The following WDR49 variants were observed in gnomAD, a reference collection of about 807,000 sequenced individuals.
WDR49 encodes the protein cilia- and flagella-associated protein 337.
WDR49 carries 107 observed loss-of-function variants against 119.5 expected under a neutral mutation model. That is an observed-to-expected ratio of 0.90 (90% CI 0.77 to 1.05). The LOEUF (loss-of-function observed/expected upper bound fraction) is 1.05, where lower values mean the gene tolerates loss of function less well. WDR49 is among the 50% of genes least tolerant of loss of function. The pLI, the probability that WDR49 is intolerant of heterozygous loss-of-function variation, is 0.00. For missense variants in WDR49, 1,240 were observed against 1,220.5 expected, an observed-to-expected ratio of 1.02 and a Z score of -0.24; for synonymous variants, 425 against 418.8, an observed-to-expected ratio of 1.01 and a Z score of -0.18.
chr3:167,597,817 A>T (rs1379568801), intron 7 of WDR49, among the ~76,000 whole-genome samples: 1 of 152,190 alleles, frequency 6.6e-6, no homozygotes, highest in Non-Finnish European at 1.5e-5. Context: ...CCCTTTTGGA[A>T]TGGTAACATT....
At chr3:167,622,412 G>T (rs1716916976) in intron 3 of WDR49, among the ~76,000 whole-genome samples, 1 of 151,956 alleles carries the variant, frequency 6.6e-6, no homozygotes, top group Non-Finnish European at 1.5e-5. Context: ...TGAGAATGAT[G>T]TCTGATTAAA....
intron 8 of WDR49, chr3:167,567,041 G>A (rs899007400): frequency 2.9e-5 from 13 of 446,142 alleles, no homozygotes; most frequent in East Asian, 1.7e-4. Context: ...AATTTCTGTC[G>A]GACTTTTTGC....
At position 167,576,137 on chromosome 3, in the gene WDR49, C is replaced by G; in HGVS notation, c.1290G>C (p.Trp430Cys). 8 of 1,613,688 alleles carry G rather than the reference C, an allele frequency of 5.0e-6. No individual in the cohort carries two copies. Among genetic ancestry groups the G allele is most frequent in the Non-Finnish European group, 6.8e-6 (8 of 1,179,868 alleles). Reference protein sequence around the residue: ...SFSKDKVLRLWDIQHQLSIQR... With the variant: ...SFSKDKVLRLCDIQHQLSIQR... ...GGATGGACAGCTGGTGTTGAATATC[C>G]CAGAGTCTCAAAACCTGGATGAAAA... Residue 430 changes from tryptophan to cysteine, a missense_variant, in exon 8 of 19, where the codon TGG becomes TGC. Coordinates refer to ENST00000682715, the MANE Select transcript of WDR49 (RefSeq NM_001366157.1).
intron 16 of WDR49, among the ~76,000 whole-genome samples, chr3:167,509,404 A>G (rs1357928059): frequency 6.6e-6 from 1 of 152,236 alleles, no homozygotes; most frequent in Non-Finnish European, 1.5e-5. Context: ...CATAGGAGTT[A>G]GTCTAGTAGA....
At chr3:167,582,568 T>G (rs1714593134) in intron 7 of WDR49, among the ~76,000 whole-genome samples, 1 of 152,152 alleles carries the variant, frequency 6.6e-6, no homozygotes, top group African/African-American at 2.4e-5. Flanking sequence ...GAATTTCCAC[T>G]ATGTGTCTGT....
chr3:167,607,541 A>G (rs527859453), intron 5 of WDR49, among the ~76,000 whole-genome samples: 17 of 152,268 alleles, frequency 1.1e-4, no homozygotes, highest in African/African-American at 3.9e-4. Context: ...TCCTAATGAG[A>G]AGATAGCAAC....
intron 18 of WDR49, among the ~76,000 whole-genome samples, chr3:167,484,313 G>A (rs2108190195): frequency 6.6e-6 from 1 of 152,206 alleles, no homozygotes; most frequent in African/African-American, 2.4e-5. Flanking sequence ...AGGGGACAGG[G>A]GAGGGATAGC....
Position 167,627,053 on chromosome 3 carries a change from G to A in WDR49, c.405C>T (p.Leu135=), listed in dbSNP as rs911317353. ...GAATGGTGTCCTTGTGTTTTACTGG[G>A]AGGAATTCAAGGTCCTTCCACTGGG... ...VVPQWKDLEF[L]PVKHKDTIQK... The change falls in exon 3 of 19, where the codon CTC becomes CTT. Residue 135 remains leucine, a synonymous_variant. Transcript: ENST00000682715. 4 of 1,309,654 alleles carry A rather than the reference G, an allele frequency of 3.1e-6. No individual in the cohort carries two copies. The Admixed American group carries it at 1.3e-4, about 44-fold the overall frequency. 81.1% of individuals were successfully genotyped at this position (1,309,654 alleles called of 1,614,324 possible).
chr3:167,570,736 C>G (rs1478258029), intron 8 of WDR49, among the ~76,000 whole-genome samples: 3 of 152,026 alleles, frequency 2.0e-5, no homozygotes, highest in African/African-American at 7.2e-5. Flanking sequence ...AAACAAAAAG[C>G]TGCAATTAAA....
In WDR49 at chr3:167,607,727, A is replaced by G. The variant is rs145591580; in HGVS notation, c.959-3259T>C. On this transcript the variant is annotated intron_variant, in intron 5 of 18. Coordinates refer to ENST00000682715, the MANE Select transcript of WDR49 (RefSeq NM_001366157.1). ...TCTGGGGTTCTTCCTATTACCAACT[A>G]CCTTTCTGTCCCCATACCCTCAATC... Among the ~76,000 whole-genome samples, 210 of 151,966 alleles carry G rather than the reference A, an allele frequency of 1.4e-3. 1 individual carries two copies. Among genetic ancestry groups the G allele is most frequent in the Admixed American group, 2.6e-3 (39 of 15,254 alleles).
intron 2 of WDR49, among the ~76,000 whole-genome samples, chr3:167,638,216 AT>A (rs1336516335): frequency 1.3e-5 from 2 of 151,502 alleles, no homozygotes; most frequent in Non-Finnish European, 3.0e-5. Flanking sequence ...GTCTGATTTT[AT>A]TTCAGATCAT....
chr3:167,551,247 A>G (rs1211323517), intron 10 of WDR49, among the ~76,000 whole-genome samples: 1 of 152,004 alleles, frequency 6.6e-6, no homozygotes, highest in Non-Finnish European at 1.5e-5. Flanking sequence ...CCCTTGAAAC[A>G]GGAATCATGA....
rs143964795 is a variant in WDR49 at position 167,566,374 on chromosome 3, A to G, written c.1510-6146T>C. 2.6e-5 allele frequency among the ~76,000 whole-genome samples: 4 copies of G among 152,322 alleles called. No homozygotes were observed. The East Asian group carries it at 7.7e-4, about 29-fold the overall frequency. On this transcript the variant is annotated intron_variant, in intron 8 of 18. Transcript: ENST00000682715. ...TGGAATATGCATGCAATGAAATACT[A>G]TGCATCTGTGAAAATGGACAAGGTT...
intron 2 of WDR49, among the ~76,000 whole-genome samples, chr3:167,638,240 A>G (rs1488026178): frequency 6.6e-6 from 1 of 151,572 alleles, no homozygotes; most frequent in Admixed American, 6.6e-5. Context: ...GAATCCTGCA[A>G]TGCTTTTTTC....
rs369530425 is a variant in WDR49, at chr3:167,528,051, T to C, written c.2407-34A>G. ...AAAGAAATACCAGAACTCTAAAAAA[T>C]TCAAATATGAAATGATTACAATGAC... On this transcript the variant is annotated intron_variant, in intron 14 of 18. Coordinates refer to ENST00000682715, the MANE Select transcript of WDR49 (RefSeq NM_001366157.1). The C allele has an allele frequency of 2.1e-5, 33 of 1,568,056 alleles. No individual in the cohort carries two copies. In the African/African-American group the frequency reaches 4.5e-4, roughly 21 times the overall value.
chr3:167,479,152 G>T, intron 18 of WDR49, 156 bp from the exon 19 acceptor site: 1 of 603,018 alleles, frequency 1.7e-6, no homozygotes, highest in South Asian at 2.1e-5. Flanking sequence ...CTAAGCTTCT[G>T]CTATTCTGTT....
At chr3:167,657,292 C>G (rs764889520), upstream of WDR49, among the ~76,000 whole-genome samples, 7 of 152,056 alleles carry the variant, frequency 4.6e-5, no homozygotes, top group Non-Finnish European at 1.0e-4. Flanking sequence ...GAATCCATTC[C>G]TTATATTCTT....
chr3:167,525,413 G>T (rs1752598087), intron 15 of WDR49, among the ~76,000 whole-genome samples: 1 of 151,980 alleles, frequency 6.6e-6, no homozygotes, highest in Non-Finnish European at 1.5e-5. Flanking sequence ...TCTCTTGCCT[G>T]ATTGCTCTTT....
At position 167,528,077 on chromosome 3, in the gene WDR49, A is replaced by G. The variant is rs567400728; in HGVS notation, c.2407-60T>C. ...TCAAATATGAAATGATTACAATGACATAACACTTTTAAAAAAAGGCCGATT... is the reference window on the plus strand; with the variant it reads ...TCAAATATGAAATGATTACAATGACGTAACACTTTTAAAAAAAGGCCGATT... On this transcript the variant is annotated intron_variant, in intron 14 of 18. Coordinates refer to ENST00000682715, the MANE Select transcript of WDR49 (RefSeq NM_001366157.1). 4 of 1,434,898 alleles carry G rather than the reference A, an allele frequency of 2.8e-6. No individual in the cohort carries two copies. The South Asian group carries it at 5.1e-5, about 18-fold the overall frequency. The allele number at this position is 1,434,898 out of a possible 1,614,324, so 88.9% of individuals were successfully genotyped here.
Sources: allele counts gnomAD v4.1 joint callset (sites outside exome capture counted in the v4.1 genomes callset), GRCh38; gene constraint gnomAD v4.1.1; transcripts MANE v1.5; gene names NCBI Gene and HGNC (gene_info 2026-07-23, HGNC 2026-07-21).